Variants in ARPP19 observed in about 807,000 individuals in gnomAD.
ARPP19 encodes the protein cAMP regulated phosphoprotein 19, also known as cAMP-regulated phosphoprotein 19.
In ARPP19, 8 loss-of-function variants were observed where a neutral mutation model predicts 12.0. The ratio of observed to expected loss-of-function variants is 0.67; its 90% CI spans 0.39 to 1.21. The LOEUF (loss-of-function observed/expected upper bound fraction) is 1.21. ARPP19 is among the 50% of genes most tolerant of loss of function. The probability of loss-of-function intolerance (pLI) is 0.01; values close to 1 mark genes in which losing one functional copy is unlikely to be tolerated. For missense variants in ARPP19, 102 were observed against 136.3 expected (o/e 0.75, Z 1.25); for synonymous variants, 47 against 50.4 (o/e 0.93, Z 0.29).
chr15:52,558,753 A>C (rs1241607153), intron 1 of ARPP19, among the ~76,000 whole-genome samples: 3 of 151,306 alleles, frequency 2.0e-5, no homozygotes, highest in Non-Finnish European at 4.4e-5. Context: ...AAATTTTGGC[A>C]TATATTTCAC....
intron 1 of ARPP19, among the ~76,000 whole-genome samples, chr15:52,558,679 A>G (rs936517404): frequency 2.6e-5 from 4 of 151,672 alleles, no homozygotes; most frequent in African/African-American, 9.7e-5. Flanking sequence ...TGTCAAACCT[A>G]TGTTCTTATA....
intron 2 of ARPP19, among the ~76,000 whole-genome samples, chr15:52,556,168 T>C (rs2077979406): frequency 6.6e-6 from 1 of 151,140 alleles, no homozygotes; most frequent in Non-Finnish European, 1.5e-5. Flanking sequence ...AATCCATATG[T>C]ACCTAGAGCT....
At chr15:52,568,728 A>C (rs1362227448) in intron 1 of ARPP19, 120 bp downstream of exon 1, 19 of 606,500 alleles carry the variant, frequency 3.1e-5, no homozygotes, top group Non-Finnish European at 4.1e-5. Context: ...GGGGCGCAGG[A>C]GCCTCGGCCT....
intron 1 of ARPP19, among the ~76,000 whole-genome samples, chr15:52,565,467 G>C (rs1228599342): frequency 6.6e-6 from 1 of 152,178 alleles, no homozygotes; most frequent in Non-Finnish European, 1.5e-5. Flanking sequence ...TTATCTCAAA[G>C]GCAAATATAA....
rs1295703824 is a variant in ARPP19 at position 52,551,457 on chromosome 15, AG to A, written c.*476del. ...AAGCACAGAGATACAAATCTTTCAG[AG>A]CCCCATCTAGTTGTGTTTGAAATAT... On this transcript the variant is annotated 3_prime_UTR_variant, in exon 3 of 3. Transcript: ENST00000249822. 1 of 152,934 alleles carries A rather than the reference AG, an allele frequency of 6.5e-6. No homozygotes were observed. The highest frequency in any genetic ancestry group is 1.5e-5 in the Non-Finnish European group (1 of 68,246). The allele number at this position is 152,934 out of a possible 1,614,324, so 9.5% of individuals were successfully genotyped here. A position where few individuals can be genotyped will look rare whatever the true frequency, so the allele number is the denominator to read the frequency against.
At chr15:52,557,346 A>G (rs1043689444) in intron 1 of ARPP19, 124 bp from the exon 2 acceptor site, 4 of 747,872 alleles carry the variant, frequency 5.3e-6, no homozygotes, top group Non-Finnish European at 8.5e-6. Context: ...TCTGACTAAG[A>G]AATCAAACCC....
At chr15:52,569,385 G>C, upstream of ARPP19, 1 of 197,706 alleles carries the variant, frequency 5.1e-6, no homozygotes, top group Non-Finnish European at 1.0e-5. Context: ...TGTCTTTTGG[G>C]CACGCCAAAA....
chr15:52,551,789 T>C lies in ARPP19; in HGVS notation c.*145A>G. 1.5e-6 allele frequency: 1 copy of C among 659,022 alleles called. No homozygotes were observed. The highest frequency in any genetic ancestry group is 2.6e-4 in the Middle Eastern group (1 of 3,840). The allele number at this position is 659,022 out of a possible 1,614,324, so 40.8% of individuals were successfully genotyped here. A position where few individuals can be genotyped will look rare whatever the true frequency, so the allele number is the denominator to read the frequency against. On this transcript the variant is annotated 3_prime_UTR_variant, in exon 3 of 3. Transcript: ENST00000249822. Reference sequence around the variant, plus strand: ...TAATCAAAAACTCTACACACGTATATTCCACAATAGCAGCACACACTACTG... The same window carrying C: ...TAATCAAAAACTCTACACACGTATACTCCACAATAGCAGCACACACTACTG...
rs1190770762 is a variant in ARPP19 at position 52,550,630 on chromosome 15, AAAG to A, written c.*1301_*1303del. 1 of 152,152 alleles carries A rather than the reference AAAG, an allele frequency of 6.6e-6. No individual in the cohort carries two copies. The highest frequency in any genetic ancestry group is 1.5e-5 in the Non-Finnish European group (1 of 68,036). The allele number at this position is 152,152 out of a possible 1,614,324, so 9.4% of individuals were successfully genotyped here. ...AGGCCCTATCCTAAAAAAAAAAGAGAAAGAAGTTAACAACTGAGAAATTAGAAG... is the reference window on the plus strand; with the variant it reads ...AGGCCCTATCCTAAAAAAAAAAGAGAAAGTTAACAACTGAGAAATTAGAAG... On this transcript the variant is annotated 3_prime_UTR_variant, in exon 3 of 3. Transcript: ENST00000249822.
chr15:52,557,198 G>A lies in ARPP19; in HGVS notation c.70C>T (p.Pro24Ser). Residue 24 changes from proline to serine, a missense_variant, in exon 2 of 3, where the codon CCA becomes TCA. By Grantham distance (74) the Pro-to-Ser change is moderately conservative. Transcript: ENST00000249822. Reference sequence around the variant, plus strand: ...AATTTTGCTTCTTCTGCTTTCTCTGGACTAGTCACTTTATCTTCCATTTCC... The same window carrying A: ...AATTTTGCTTCTTCTGCTTTCTCTGAACTAGTCACTTTATCTTCCATTTCC... Reference protein sequence around the residue: ...QKEMEDKVTSPEKAEEAKLKA... With the variant: ...QKEMEDKVTSSEKAEEAKLKA... 1 of 1,605,294 alleles carries A rather than the reference G, an allele frequency of 6.2e-7. No individual in the cohort carries two copies.
At chr15:52,558,360 T>C (rs1358017553) in intron 1 of ARPP19, among the ~76,000 whole-genome samples, 1 of 151,012 alleles carries the variant, frequency 6.6e-6, no homozygotes, top group Non-Finnish European at 1.5e-5. Context: ...TGAGGCAAAA[T>C]GACTGCTTAA....
intron 1 of ARPP19, among the ~76,000 whole-genome samples, chr15:52,567,538 G>T (rs748823342): frequency 5.3e-5 from 8 of 152,044 alleles, no homozygotes; most frequent in Non-Finnish European, 1.0e-4. Context: ...AACACAATAC[G>T]CATTTTACAA....
chr15:52,562,889 ACAGAGTCTCACT>A (rs2078048050), intron 1 of ARPP19, among the ~76,000 whole-genome samples: 1 of 137,538 alleles, frequency 7.3e-6, no homozygotes, highest in African/African-American at 2.8e-5. Flanking sequence ...TTTTTTTGAG[ACAGAGTCTCACT>A]CTGTCGCCCA....
intron 1 of ARPP19, among the ~76,000 whole-genome samples, chr15:52,563,442 A>C (rs1036408076): frequency 1.2e-4 from 19 of 152,160 alleles, no homozygotes; most frequent in African/African-American, 3.1e-4. Flanking sequence ...GTATCCAAAA[A>C]ACAAAAACAA....
rs76697801 is a variant in ARPP19 at position 52,556,728 on chromosome 15, G to T, written c.168+372C>A. On this transcript the variant is annotated intron_variant, in intron 2 of 2. Transcript: ENST00000249822. ...GCTGCTTTTGGAGAGATAAGGGAAA[G>T]GGCTCATATTTACATATAGGGTGGG... 3.4e-3 allele frequency among the ~76,000 whole-genome samples: 517 copies of T among 152,152 alleles called. 3 individuals carry two copies. The highest frequency in any genetic ancestry group is 0.012 in the African/African-American group (502 of 41,526).
At chr15:52,565,836 T>C (rs144924829) in intron 1 of ARPP19, among the ~76,000 whole-genome samples, 24 of 152,348 alleles carry the variant, frequency 1.6e-4, no homozygotes, top group Middle Eastern at 3.4e-3. Flanking sequence ...TTTGTTGTAT[T>C]TAATCTGTTT....
chr15:52,557,063 G>C (rs781333379), intron 2 of ARPP19, 37 bp downstream of exon 2: 2 of 1,605,370 alleles, frequency 1.2e-6, no homozygotes, highest in Non-Finnish European at 1.7e-6. Flanking sequence ...TGAGTTTGTA[G>C]GGCTTAAGTA....
chr15:52,564,737 A>C (rs73396718), intron 1 of ARPP19, among the ~76,000 whole-genome samples: 16,367 of 152,100 alleles, frequency 0.11, 975 homozygotes, highest in Middle Eastern at 0.17. Context: ...AAAAAAAATT[A>C]AGGCCACAAC....
chr15:52,559,367 A>G (rs550616742), intron 1 of ARPP19, among the ~76,000 whole-genome samples: 1 of 152,342 alleles, frequency 6.6e-6, no homozygotes, highest in Non-Finnish European at 1.5e-5. Context: ...GCATAAGTAC[A>G]TCAACATGCT....
Sources: gnomAD v4.1 joint callset for allele counts (sites outside exome capture counted in the v4.1 genomes callset) on GRCh38, gnomAD v4.1.1 for gene constraint, MANE v1.5 for transcripts, NCBI Gene and HGNC (gene_info 2026-07-23, HGNC 2026-07-21) for gene names.